The following CHN1 variants were observed in gnomAD, a reference collection of about 807,000 sequenced individuals.
The protein encoded by CHN1 is N-chimaerin.
Under a neutral mutation model 59.5 loss-of-function variants are expected in CHN1, and 37 were observed. The observed-to-expected ratio is 0.62, with a 90% confidence interval of 0.48 to 0.82. The LOEUF (loss-of-function observed/expected upper bound fraction) is 0.82, where lower values mean the gene tolerates loss of function less well. Among genes scored for constraint, CHN1 ranks in the 40% least tolerant of loss-of-function variants. The probability of loss-of-function intolerance (pLI) is 0.00; values close to 1 mark genes in which losing one functional copy is unlikely to be tolerated. For synonymous variants in CHN1, 206 were observed against 200.4 expected (o/e 1.03, Z -0.24); for missense variants, 469 against 571.0 (o/e 0.82, Z 1.82).
At chr2:174,815,218 A>C (rs140820158) in intron 8 of CHN1, among the ~76,000 whole-genome samples, 3 of 152,166 alleles carry the variant, frequency 2.0e-5, no homozygotes, top group African/African-American at 7.2e-5. Context: ...CTCTACAAAA[A>C]TTTTTAAAAA....
At chr2:174,990,606 A>G (rs920184000) in intron 1 of CHN1, among the ~76,000 whole-genome samples, 1 of 152,054 alleles carries the variant, frequency 6.6e-6, no homozygotes, top group Non-Finnish European at 1.5e-5. Flanking sequence ...CTTTCTTTTT[A>G]CCACTGTATT....
chr2:174,898,211 T>A (rs923331081), intron 5 of CHN1, among the ~76,000 whole-genome samples: 1 of 152,088 alleles, frequency 6.6e-6, no homozygotes. Context: ...ATGGAACTAG[T>A]CAGGGCCTCT....
Position 174,952,344 on chromosome 2 carries a change from T to G in CHN1, c.20-142A>C, listed in dbSNP as rs169857. 3,931 of 417,640 alleles carry G rather than the reference T, an allele frequency of 9.4e-3. 126 individuals are homozygous for G. Among genetic ancestry groups the G allele is most frequent in the African/African-American group, 0.072 (3,447 of 47,916 alleles). 25.9% of individuals were successfully genotyped at this position (417,640 alleles called of 1,614,324 possible). A position where few individuals can be genotyped will look rare whatever the true frequency, so the allele number is the denominator to read the frequency against. On this transcript the variant is annotated intron_variant, in intron 1 of 12. Transcript: ENST00000409900. Reference sequence around the variant, plus strand: ...CTAGGCACTAAGGGGCATTCAAGGGTTTTTTTTTAGTCTTGGTCCTTACTT... The same window carrying G: ...CTAGGCACTAAGGGGCATTCAAGGGGTTTTTTTTAGTCTTGGTCCTTACTT...
rs1378823368 is a variant in CHN1, at chr2:174,878,030, C to A, written c.359G>T (p.Gly120Val). The A allele has an allele frequency of 1.1e-5, 17 of 1,613,788 alleles. No homozygotes were observed. Among genetic ancestry groups the A allele is most frequent in the Non-Finnish European group, 1.3e-5 (15 of 1,179,786 alleles). The change falls in exon 6 of 13, where the codon GGC (glycine) becomes GTC (valine). Residue 120 changes from glycine (G) to valine (V), a missense_variant. Transcript: ENST00000409900. ...GGTTTCAATATAGAGAGTAATCAAG[C>A]CATCAGTCACCAGATCGTGGATGGA... ...FESIHDLVTD[G>V]LITLYIETKA...
chr2:174,984,366 C>CT (rs397986749), intron 1 of CHN1, among the ~76,000 whole-genome samples: 4,683 of 117,156 alleles, frequency 0.04, 340 homozygotes, highest in African/African-American at 0.13. Flanking sequence ...GTTTTATAAG[C>CT]TTTTTTTTTT....
At chr2:174,870,201 A>AAG (rs1687361879) in intron 6 of CHN1, among the ~76,000 whole-genome samples, 1 of 152,210 alleles carries the variant, frequency 6.6e-6, no homozygotes, top group Non-Finnish European at 1.5e-5. Flanking sequence ...AAAATAATGC[A>AAG]GCATACTTTA....
chr2:174,865,161 C>T (rs1687181341), intron 6 of CHN1, among the ~76,000 whole-genome samples: 1 of 152,116 alleles, frequency 6.6e-6, no homozygotes. Flanking sequence ...AATCTTCGTT[C>T]CTTCAGCATT....
chr2:174,948,612 A>T (rs1200846029), intron 2 of CHN1, among the ~76,000 whole-genome samples: 3 of 152,212 alleles, frequency 2.0e-5, no homozygotes, highest in Non-Finnish European at 4.4e-5. Context: ...TCTAGAATCA[A>T]ATTGTGAAAT....
Position 174,922,753 on chromosome 2 carries a change from CA to C in CHN1, c.115-4189del, listed in dbSNP as rs1689050953. On this transcript the variant is annotated intron_variant, in intron 3 of 12. Transcript: ENST00000409900. ...AAAAAGAAATATTTTAAATATACAC[CA>C]ATAGGGCAATAACTAACCTGATTTA... is the stretch of plus-strand genomic sequence containing the variant. Among the ~76,000 whole-genome samples, 4 of 151,922 alleles carry C rather than the reference CA, an allele frequency of 2.6e-5. No individual in the cohort carries two copies. The South Asian group carries it at 8.3e-4, about 32-fold the overall frequency.
intron 1 of CHN1, among the ~76,000 whole-genome samples, chr2:174,989,234 G>A (rs1691459322): frequency 6.6e-6 from 1 of 151,956 alleles, no homozygotes; most frequent in African/African-American, 2.4e-5. Context: ...AAATTAGCCA[G>A]GTGTGGTGGC....
At chr2:174,957,757 A>T (rs560039766) in intron 1 of CHN1, among the ~76,000 whole-genome samples, 1 of 152,050 alleles carries the variant, frequency 6.6e-6, no homozygotes, top group African/African-American at 2.4e-5. Flanking sequence ...GCACTCAATG[A>T]GACTGGGACC....
Position 175,005,149 on chromosome 2 carries a change from G to A in CHN1, c.-237C>T. The A allele has an allele frequency of 7.7e-7, 1 of 1,291,222 alleles. No individual in the cohort carries two copies. The highest frequency in any genetic ancestry group is 4.1e-5 in the Admixed American group (1 of 24,282). 80.0% of individuals were successfully genotyped at this position (1,291,222 alleles called of 1,614,324 possible). On this transcript the variant is annotated 5_prime_UTR_variant, in exon 1 of 13. Transcript: ENST00000409900. ...GCCCAGGGAGCCCCGCTAGCTCTCCGCGAGCCGGCACTTGTCGCTGCCATC... is the reference window on the plus strand; with the variant it reads ...GCCCAGGGAGCCCCGCTAGCTCTCCACGAGCCGGCACTTGTCGCTGCCATC...
intron 3 of CHN1, among the ~76,000 whole-genome samples, chr2:174,921,402 T>C (rs1182643553): frequency 6.6e-6 from 1 of 152,214 alleles, no homozygotes; most frequent in Non-Finnish European, 1.5e-5. Flanking sequence ...TCAATATTCC[T>C]TGACTCCATG....
intron 11 of CHN1, among the ~76,000 whole-genome samples, chr2:174,803,395 GA>G (rs1432048682): frequency 6.6e-6 from 1 of 152,156 alleles, no homozygotes; most frequent in African/African-American, 2.4e-5. Flanking sequence ...TTCTTTGAAT[GA>G]AGAATGTATT....
At chr2:174,844,034 G>A (rs935458640) in intron 7 of CHN1, among the ~76,000 whole-genome samples, 1 of 151,808 alleles carries the variant, frequency 6.6e-6, no homozygotes, top group African/African-American at 2.4e-5. Flanking sequence ...AAAATAAGAG[G>A]TTGATCCAGG....
chr2:174,936,113 G>C (rs917408721), intron 3 of CHN1, among the ~76,000 whole-genome samples: 17 of 152,032 alleles, frequency 1.1e-4, no homozygotes, highest in African/African-American at 3.9e-4. Flanking sequence ...TCCAGCCTCA[G>C]TCTACTTTAC....
At chr2:174,846,392 T>A (rs1686516616) in intron 7 of CHN1, 2 of 1,546,402 alleles carry the variant, frequency 1.3e-6, no homozygotes, top group East Asian at 4.9e-5. Context: ...GTAGCCATCC[T>A]CCTTTCATCA....
intron 1 of CHN1, among the ~76,000 whole-genome samples, chr2:174,988,056 T>C (rs1423157434): frequency 6.6e-6 from 1 of 151,982 alleles, no homozygotes; most frequent in African/African-American, 2.4e-5. Context: ...ATGAGTAAAA[T>C]TGGGCCATAA....
chr2:174,820,316 C>T (rs1409236986), intron 8 of CHN1, among the ~76,000 whole-genome samples: 1 of 152,194 alleles, frequency 6.6e-6, no homozygotes, highest in Non-Finnish European at 1.5e-5. Flanking sequence ...TTCTCCACAT[C>T]CTCTCCAGCA....
Sources: gnomAD v4.1 joint callset for allele counts (sites outside exome capture counted in the v4.1 genomes callset) on GRCh38, gnomAD v4.1.1 for gene constraint, MANE v1.5 for transcripts, NCBI Gene and HGNC (gene_info 2026-07-23, HGNC 2026-07-21) for gene names.